The following MAPK9 variants were observed in gnomAD, a reference collection of about 807,000 sequenced individuals.
MAPK9 encodes Jun kinase.
In MAPK9, 30 loss-of-function variants were observed where a neutral mutation model predicts 57.1. The observed-to-expected ratio is 0.53, with a 90% confidence interval of 0.39 to 0.71. The LOEUF is 0.71. MAPK9 is among the 30% of genes least tolerant of loss of function. The pLI is 0.00. For missense variants in MAPK9, 362 were observed against 521.0 expected, an observed-to-expected ratio of 0.69 and a Z score of 2.97; for synonymous variants, 155 against 177.0, an observed-to-expected ratio of 0.88 and a Z score of 0.99.
chr5:180,264,753 T>C (rs780144473), intron 4 of MAPK9, 28 bp downstream of exon 4: 15 of 1,556,606 alleles, frequency 9.6e-6, no homozygotes, highest in Non-Finnish European at 1.3e-5. Flanking sequence ...TGATGTACAG[T>C]GCATTACTGA....
chr5:180,273,184 C>T lies in MAPK9; in HGVS notation c.123-3775G>A, dbSNP rs1009993195. On this transcript the variant is annotated intron_variant, in intron 2 of 11. Transcript: ENST00000452135. The stretch of plus-strand genomic sequence containing the variant: ...GTTTATAGGTTATTTGGGTATCCTC[C>T]TGTGACAACCTATTGACTATTTGTT... 2.0e-5 allele frequency among the ~76,000 whole-genome samples: 3 copies of T among 151,552 alleles called. No individual in the cohort carries two copies. The South Asian group carries it at 6.3e-4, about 32-fold the overall frequency.
At chr5:180,240,041 G>A (rs1757520219) in intron 9 of MAPK9, 54 bp from the exon 10 acceptor site, 1 of 1,438,150 alleles carries the variant, frequency 7.0e-7, no homozygotes, top group Non-Finnish European at 9.7e-7. Context: ...AAAAAATGAG[G>A]CACTAAAAAA....
intron 5 of MAPK9, among the ~76,000 whole-genome samples, chr5:180,254,973 G>A (rs1331931553): frequency 1.3e-5 from 2 of 152,180 alleles, no homozygotes; most frequent in African/African-American, 4.8e-5. Flanking sequence ...GGCAGAGTTT[G>A]CACTGAGCCA....
At position 180,281,372 on chromosome 5, in the gene MAPK9, T is replaced by C. The variant is rs3095945; in HGVS notation, c.-47-764A>G. 2.0e-3 allele frequency among the ~76,000 whole-genome samples: 305 copies of C among 152,364 alleles called. 2 individuals carry two copies. The East Asian group carries it at 0.023, about 11-fold the overall frequency. Reference sequence around the variant, plus strand: ...GGCCCAGAAAGCAGCTTTTCTGTGGTTGAGGCACAGGCTGAGACTGCTGCT... The same window carrying C: ...GGCCCAGAAAGCAGCTTTTCTGTGGCTGAGGCACAGGCTGAGACTGCTGCT... On this transcript the variant is annotated intron_variant, in intron 1 of 11. Transcript: ENST00000452135.
chr5:180,264,096 T>G (rs1464637890), intron 4 of MAPK9, among the ~76,000 whole-genome samples: 1 of 152,152 alleles, frequency 6.6e-6, no homozygotes, highest in East Asian at 1.9e-4. Context: ...AACTGCAGCC[T>G]CAAGTCCAAC....
At chr5:180,238,043 G>A (rs995307763) in intron 11 of MAPK9, 7 of 207,240 alleles carry the variant, frequency 3.4e-5, no homozygotes, top group East Asian at 2.8e-4. Flanking sequence ...AGGCTGAGGC[G>A]GGCAGATCAC....
intron 5 of MAPK9, among the ~76,000 whole-genome samples, chr5:180,253,201 G>A (rs1758893403): frequency 6.6e-6 from 1 of 152,206 alleles, no homozygotes. Flanking sequence ...ACCGCAGTCT[G>A]GACCAGGCCT....
At chr5:180,248,231 G>T (rs1758314492) in intron 6 of MAPK9, among the ~76,000 whole-genome samples, 1 of 152,234 alleles carries the variant, frequency 6.6e-6, no homozygotes, top group Non-Finnish European at 1.5e-5. Flanking sequence ...GCCTCTAAGT[G>T]CCCTGCTGGC....
intron 5 of MAPK9, among the ~76,000 whole-genome samples, chr5:180,256,155 A>T (rs1759253689): frequency 6.6e-6 from 1 of 152,220 alleles, no homozygotes; most frequent in Non-Finnish European, 1.5e-5. Flanking sequence ...GTGCTAACAG[A>T]GGGCTGGGTT....
At chr5:180,268,950 T>A (rs949109107) in intron 3 of MAPK9, among the ~76,000 whole-genome samples, 5 of 150,684 alleles carry the variant, frequency 3.3e-5, no homozygotes, top group African/African-American at 9.8e-5. Flanking sequence ...CCATCCTGAC[T>A]AACATGGTGA....
chr5:180,284,844 A>T (rs1417680580), intron 1 of MAPK9, among the ~76,000 whole-genome samples: 1 of 152,216 alleles, frequency 6.6e-6, no homozygotes, highest in African/African-American at 2.4e-5. Flanking sequence ...GATGTCTAAG[A>T]TACAGAAAGG....
intron 3 of MAPK9, among the ~76,000 whole-genome samples, chr5:180,267,364 A>G (rs1476536930): frequency 6.6e-6 from 1 of 152,012 alleles, no homozygotes; most frequent in Non-Finnish European, 1.5e-5. Flanking sequence ...GATCGAGACC[A>G]TCCTGGCTAA....
chr5:180,239,825 G>C (rs930423831), intron 10 of MAPK9, 99 bp downstream of exon 10: 3 of 1,180,652 alleles, frequency 2.5e-6, no homozygotes, highest in Non-Finnish European at 3.8e-6. Context: ...AGGGTTTCTT[G>C]CCCCTTCCTG....
At chr5:180,246,176 A>C (rs1758077607) in intron 7 of MAPK9, 1 of 152,188 alleles carries the variant, frequency 6.6e-6, no homozygotes, top group Non-Finnish European at 1.5e-5. Flanking sequence ...CATTAAGTAG[A>C]TATTTCTAAA....
At chr5:180,279,684 A>G in intron 2 of MAPK9, 4 of 338,990 alleles carry the variant, frequency 1.2e-5, no homozygotes, top group Non-Finnish European at 1.7e-5. Flanking sequence ...TTCATTGACC[A>G]AAAAAAAAGA....
chr5:180,238,463 C>G, intron 10 of MAPK9, 60 bp from the exon 11 acceptor site: 1 of 1,160,302 alleles, frequency 8.6e-7, no homozygotes, highest in Non-Finnish European at 1.3e-6. Flanking sequence ...CACTGTATCT[C>G]TAAACTCTGC....
At chr5:180,258,649 T>C (rs1296511392) in intron 5 of MAPK9, among the ~76,000 whole-genome samples, 1 of 151,936 alleles carries the variant, frequency 6.6e-6, no homozygotes, top group Non-Finnish European at 1.5e-5. Context: ...ACCCAATGAA[T>C]GTCAAAAATG....
chr5:180,273,191 A>G (rs1761503170), intron 2 of MAPK9, among the ~76,000 whole-genome samples: 1 of 150,248 alleles, frequency 6.7e-6, no homozygotes, highest in African/African-American at 2.4e-5. Context: ...CTCCTGTGAC[A>G]ACCTATTGAC....
At chr5:180,241,547 C>G (rs758704655) in intron 8 of MAPK9, among the ~76,000 whole-genome samples, 1 of 152,370 alleles carries the variant, frequency 6.6e-6, no homozygotes, top group South Asian at 2.1e-4. Flanking sequence ...GATCCGCCTG[C>G]CTCAGCCTCC....
Sources: allele counts gnomAD v4.1 joint callset (sites outside exome capture counted in the v4.1 genomes callset), GRCh38; gene constraint gnomAD v4.1.1; transcripts MANE v1.5; gene names NCBI Gene and HGNC (gene_info 2026-07-23, HGNC 2026-07-21).